PXDNL: variants seen among roughly 807,000 people sequenced by gnomAD.
The protein encoded by PXDNL is peroxidasin like, also known as probable oxidoreductase PXDNL.
Under a neutral mutation model 150.8 loss-of-function variants are expected in PXDNL, and 145 were observed. The ratio of observed to expected loss-of-function variants is 0.96; its 90% CI spans 0.84 to 1.10. The LOEUF is 1.10. Among genes scored for constraint, PXDNL ranks in the 50% least tolerant of loss-of-function variants. The pLI, the probability that PXDNL is intolerant of heterozygous loss-of-function variation, is 0.00. For missense variants in PXDNL, 2,087 were observed against 1,873.9 expected (o/e 1.11, Z -2.10); for synonymous variants, 757 against 725.7 (o/e 1.04, Z -0.69).
chr8:51,697,113 G>A (rs1816165140), intron 1 of PXDNL, among the ~76,000 whole-genome samples: 1 of 152,116 alleles, frequency 6.6e-6, no homozygotes, highest in African/African-American at 2.4e-5. Flanking sequence ...AGACCAGCCT[G>A]GCCAACATGT....
intron 2 of PXDNL, among the ~76,000 whole-genome samples, chr8:51,650,101 C>CAAAAAAA (rs11451376): frequency 8.8e-6 from 1 of 113,348 alleles, no homozygotes; most frequent in African/African-American, 3.4e-5. Flanking sequence ...GACTTTGTCT[C>CAAAAAAA]AAAAAAAAAA....
intron 4 of PXDNL, among the ~76,000 whole-genome samples, chr8:51,553,723 C>T (rs1228926285): frequency 2.2e-5 from 3 of 138,856 alleles, no homozygotes; most frequent in African/African-American, 8.6e-5. Flanking sequence ...TAGTTTATTG[C>T]CTTATTGTGA....
In PXDNL at chr8:51,462,187, ACC is replaced by A. The variant is rs565192441; in HGVS notation, c.813-4522_813-4521del. 2.6e-3 allele frequency among the ~76,000 whole-genome samples: 400 copies of A among 152,346 alleles called. 2 individuals carry two copies. Among genetic ancestry groups the A allele is most frequent in the African/African-American group, 8.9e-3 (370 of 41,578 alleles). On this transcript the variant is annotated intron_variant, in intron 8 of 22. Coordinates refer to ENST00000356297, the MANE Select transcript of PXDNL (RefSeq NM_144651.5). ...AGCAACTTCAAAGAGATAAAGGAAC[ACC>A]AGCCCTCTCAAATGAGTAAGAATCA... is the stretch of plus-strand genomic sequence containing the variant.
At chr8:51,667,037 A>C (rs1328668082) in intron 1 of PXDNL, among the ~76,000 whole-genome samples, 1 of 152,020 alleles carries the variant, frequency 6.6e-6, no homozygotes, top group East Asian at 1.9e-4. Context: ...ACCCTAGCAC[A>C]CTGCAGGACA....
chr8:51,342,048 C>A (rs573662975), intron 20 of PXDNL, among the ~76,000 whole-genome samples: 126 of 152,126 alleles, frequency 8.3e-4, no homozygotes, highest in African/African-American at 2.8e-3. Context: ...AATATGGAAA[C>A]AATATAAGTG....
chr8:51,750,370 C>G (rs933386424), intron 1 of PXDNL, among the ~76,000 whole-genome samples: 2 of 152,152 alleles, frequency 1.3e-5, no homozygotes. Context: ...AACAATGCCT[C>G]CTTCTCGATA....
At chr8:51,355,479 T>C (rs1806479488) in intron 19 of PXDNL, among the ~76,000 whole-genome samples, 2 of 152,190 alleles carry the variant, frequency 1.3e-5, no homozygotes, top group Admixed American at 6.5e-5. Flanking sequence ...CTTTGTGCAA[T>C]TGTTTTATTT....
At chr8:51,779,078 CAT>C (rs752221333) in intron 1 of PXDNL, among the ~76,000 whole-genome samples, 9 of 152,044 alleles carry the variant, frequency 5.9e-5, no homozygotes, top group Non-Finnish European at 1.2e-4. Flanking sequence ...AACAAAGAAA[CAT>C]GTTAAAATAA....
chr8:51,719,706 T>A (rs116499877), intron 1 of PXDNL, among the ~76,000 whole-genome samples: 6,916 of 151,668 alleles, frequency 0.046, 473 homozygotes, highest in African/African-American at 0.14. Flanking sequence ...ATGATTTTTT[T>A]AAAAAAATAT....
chr8:51,783,948 A>T (rs2037437961), intron 1 of PXDNL, among the ~76,000 whole-genome samples: 1 of 152,218 alleles, frequency 6.6e-6, no homozygotes, highest in Non-Finnish European at 1.5e-5. Flanking sequence ...TTCCAAAGTC[A>T]TGATTGTTCA....
intron 19 of PXDNL, among the ~76,000 whole-genome samples, chr8:51,370,682 C>T (rs966664195): frequency 6.6e-6 from 1 of 152,162 alleles, no homozygotes; most frequent in African/African-American, 2.4e-5. Context: ...CTGCAACCTC[C>T]GCCTCCAGGG....
In PXDNL at chr8:51,710,986, G is replaced by GCACCATA. The variant is rs1462234164; in HGVS notation, c.165-56227_165-56226insTATGGTG. 1.1e-4 allele frequency among the ~76,000 whole-genome samples: 16 copies of GCACCATA among 152,210 alleles called. No individual in the cohort carries two copies. In the East Asian group the frequency reaches 3.1e-3, roughly 29 times the overall value. ...ATAAGAATGCCCACTCTCACCATAT[G>GCACCATA]TGTTCAACGTAGAACTGAAAATCCA... On this transcript the variant is annotated intron_variant, in intron 1 of 22. Coordinates refer to ENST00000356297, the MANE Select transcript of PXDNL (RefSeq NM_144651.5).
Position 51,688,309 on chromosome 8 carries a change from A to T in PXDNL, c.165-33549T>A, listed in dbSNP as rs569897557. 2.6e-5 allele frequency among the ~76,000 whole-genome samples: 4 copies of T among 152,194 alleles called. No homozygotes were observed. The South Asian group carries it at 8.3e-4, about 32-fold the overall frequency. ...GAGACTGTGACCTTATCTTTCAAGT[A>T]TCTAGTATTCATTTAAGAATTTTTA... On this transcript the variant is annotated intron_variant, in intron 1 of 22. Transcript: ENST00000356297.
At chr8:51,591,928 C>CCAT (rs1354161724) in intron 3 of PXDNL, among the ~76,000 whole-genome samples, 1 of 152,128 alleles carries the variant, frequency 6.6e-6, no homozygotes, top group Admixed American at 6.6e-5. Flanking sequence ...CCATTATTGC[C>CCAT]TTAACATTTT....
chr8:51,670,040 C>A (rs2130827297), intron 1 of PXDNL, among the ~76,000 whole-genome samples: 1 of 152,214 alleles, frequency 6.6e-6, no homozygotes, highest in East Asian at 1.9e-4. Context: ...AGTTCTAGAC[C>A]AGCCTGGCCA....
At chr8:51,426,441 A>C (rs751866268) in intron 13 of PXDNL, among the ~76,000 whole-genome samples, 1 of 152,172 alleles carries the variant, frequency 6.6e-6, no homozygotes, top group African/African-American at 2.4e-5. Flanking sequence ...AAACCTTATC[A>C]AAACACTGAA....
intron 1 of PXDNL, among the ~76,000 whole-genome samples, chr8:51,679,731 G>A (rs1815701378): frequency 6.6e-6 from 1 of 152,126 alleles, no homozygotes; most frequent in South Asian, 2.1e-4. Context: ...TGCATGCTTT[G>A]TTAGAACTTC....
At chr8:51,478,514 C>T (rs1170644106) in intron 6 of PXDNL, among the ~76,000 whole-genome samples, 1 of 152,140 alleles carries the variant, frequency 6.6e-6, no homozygotes, top group Non-Finnish European at 1.5e-5. Flanking sequence ...TTAAACAAAA[C>T]AAAATCAAAA....
chr8:51,656,867 T>C (rs913167249), intron 1 of PXDNL, among the ~76,000 whole-genome samples: 3 of 152,166 alleles, frequency 2.0e-5, no homozygotes, highest in African/African-American at 7.2e-5. Context: ...AATTTTAGCT[T>C]TGCCTCCCAC....
Sources: gnomAD v4.1 joint callset for allele counts (sites outside exome capture counted in the v4.1 genomes callset) on GRCh38, gnomAD v4.1.1 for gene constraint, MANE v1.5 for transcripts, NCBI Gene and HGNC (gene_info 2026-07-23, HGNC 2026-07-21) for gene names.